GPR160: variants seen among roughly 807,000 people sequenced by gnomAD.
GPR160 encodes the protein probable G protein-coupled receptor 160.
A neutral mutation model predicts 2.6 loss-of-function variants in GPR160; 2 were observed. The ratio of observed to expected loss-of-function variants is 0.77; its 90% CI spans 0.32 to 2.44. GPR160 has a LOEUF of 2.44. Ranked by LOEUF, GPR160 falls within the 30% of genes most tolerant of loss-of-function variation. GPR160 has a pLI of 0.11. For missense variants in GPR160, 351 were observed against 383.6 expected, an observed-to-expected ratio of 0.91 and a Z score of 0.71; for synonymous variants, 130 against 132.2, an observed-to-expected ratio of 0.98 and a Z score of 0.12.
At chr3:170,069,301 G>A (rs910192875) in intron 2 of GPR160, among the ~76,000 whole-genome samples, 2 of 152,186 alleles carry the variant, frequency 1.3e-5, no homozygotes, top group Non-Finnish European at 2.9e-5. Context: ...GAAGACACTT[G>A]GGTCAGCCAC....
At chr3:170,051,157 G>A (rs1235291485) in intron 2 of GPR160, among the ~76,000 whole-genome samples, 4 of 152,006 alleles carry the variant, frequency 2.6e-5, no homozygotes, top group Non-Finnish European at 1.5e-5. Context: ...TATTCCAAAG[G>A]GTATATAATG....
At chr3:170,077,404 T>A (rs1280945263) in intron 2 of GPR160, 2 of 152,040 alleles carry the variant, frequency 1.3e-5, no homozygotes, top group East Asian at 1.9e-4. Context: ...GCTGATGAAA[T>A]GTAGATGTAT....
chr3:170,059,214 TATTC>T (rs1341942889), intron 2 of GPR160, among the ~76,000 whole-genome samples: 1 of 152,244 alleles, frequency 6.6e-6, no homozygotes, highest in Non-Finnish European at 1.5e-5. Flanking sequence ...ATATTTTACA[TATTC>T]AATTATATAA....
At chr3:170,049,811 G>C (rs1199883245) in intron 2 of GPR160, 1 of 152,304 alleles carries the variant, frequency 6.6e-6, no homozygotes, top group Non-Finnish European at 1.5e-5. Context: ...CCTTCCTCAG[G>C]GTGTGTCCAC....
rs142366644 is a variant in GPR160, at chr3:170,084,792, G to C, written c.820G>C (p.Glu274Gln). The C allele has an allele frequency of 6.2e-7, 1 of 1,603,452 alleles. No homozygotes were observed. The highest frequency in any genetic ancestry group is 8.5e-7 in the Non-Finnish European group (1 of 1,171,032). The change falls in exon 4 of 4, where the codon GAG becomes CAG. Residue 274 changes from glutamate (E) to glutamine (Q), a missense_variant. Glu to Gln is a conservative substitution (Grantham distance 29). Coordinates refer to ENST00000355897, the MANE Select transcript of GPR160 (RefSeq NM_014373.3). ...TAAAGTTCAGATTCCAGCATATATT[G>C]AGATGAATATTCCCTGGTTATACTT... The part of the protein sequence containing the change: ...LLKVQIPAYI[E>Q]MNIPWLYFVN...
At position 170,084,850 on chromosome 3, in the gene GPR160, G is replaced by T; in HGVS notation, c.878G>T (p.Trp293Leu). Residue 293 changes from tryptophan (W) to leucine (L), a missense_variant, in exon 4 of 4, where the codon TGG becomes TTG. Physicochemically the swap from Trp to Leu is moderately conservative, Grantham distance 61. Transcript: ENST00000355897. ...VNSFLIATVY[W>L]FNCHKLNLKD... ...AGTTTTCTCATTGCTACAGTGTATTGGTTTAATTGTCACAAGCTTAATTTA... is the reference window on the plus strand; with the variant it reads ...AGTTTTCTCATTGCTACAGTGTATTTGTTTAATTGTCACAAGCTTAATTTA... 4.3e-6 allele frequency: 7 copies of T among 1,609,636 alleles called. No individual in the cohort carries two copies. Among genetic ancestry groups the T allele is most frequent in the Non-Finnish European group, 5.9e-6 (7 of 1,176,516 alleles).
intron 2 of GPR160, among the ~76,000 whole-genome samples, chr3:170,060,378 G>A (rs141628931): frequency 5.5e-4 from 83 of 152,276 alleles, no homozygotes; most frequent in African/African-American, 1.6e-3. Context: ...GATAATAAAC[G>A]GATGCTAAAA....
At chr3:170,050,377 G>A (rs1716907592) in intron 2 of GPR160, among the ~76,000 whole-genome samples, 1 of 151,768 alleles carries the variant, frequency 6.6e-6, no homozygotes, top group African/African-American at 2.4e-5. Flanking sequence ...CCGGGTAGCT[G>A]GGATTACAGG....
chr3:170,071,743 C>G (rs866808548), intron 2 of GPR160, among the ~76,000 whole-genome samples: 39 of 152,312 alleles, frequency 2.6e-4, no homozygotes, highest in African/African-American at 8.4e-4. Context: ...TGGCAGTGAG[C>G]TGAGATCACG....
chr3:170,059,025 GCACA>G (rs1241200869), intron 2 of GPR160, among the ~76,000 whole-genome samples: 5 of 115,460 alleles, frequency 4.3e-5, no homozygotes, highest in Admixed American at 3.9e-4. Context: ...ACACACACAT[GCACA>G]AACACACACA....
At position 170,046,391 on chromosome 3, in the gene GPR160, A is replaced by G. The variant is rs186473118; in HGVS notation, c.-193+7348A>G. On this transcript the variant is annotated intron_variant, in intron 2 of 3. Coordinates refer to ENST00000355897, the MANE Select transcript of GPR160 (RefSeq NM_014373.3). Reference sequence around the variant, plus strand: ...AGCATTCATGTGGATACAAACTCCAACCCCTTATGAGAGAGCGGGCTAGTG... The same window carrying G: ...AGCATTCATGTGGATACAAACTCCAGCCCCTTATGAGAGAGCGGGCTAGTG... Among the ~76,000 whole-genome samples, 96 of 152,224 alleles carry G rather than the reference A, an allele frequency of 6.3e-4. 1 individual carries two copies. Among genetic ancestry groups the G allele is most frequent in the African/African-American group, 2.2e-3 (93 of 41,540 alleles).
intron 2 of GPR160, chr3:170,077,071 A>G (rs559348192): frequency 6.6e-6 from 1 of 152,330 alleles, no homozygotes; most frequent in East Asian, 1.9e-4. Context: ...ACTGTTGTTA[A>G]GAATTAGAAA....
chr3:170,064,810 A>G (rs1712227110), intron 2 of GPR160, among the ~76,000 whole-genome samples: 1 of 151,688 alleles, frequency 6.6e-6, no homozygotes, highest in Non-Finnish European at 1.5e-5. Context: ...GAACCACCGC[A>G]CCCAGCTATG....
chr3:170,054,788 A>C (rs1042338739), intron 2 of GPR160, among the ~76,000 whole-genome samples: 5 of 149,396 alleles, frequency 3.3e-5, no homozygotes, highest in African/African-American at 1.2e-4. Context: ...ATGTATCAGA[A>C]TTTCTTTTCT....
intron 2 of GPR160, among the ~76,000 whole-genome samples, chr3:170,043,263 C>A (rs1576885608): frequency 6.6e-6 from 1 of 151,624 alleles, no homozygotes; most frequent in East Asian, 2.0e-4. Context: ...CTCACTGCAA[C>A]CTCTGCCTCC....
chr3:170,058,720 C>G (rs1477486887), intron 2 of GPR160, among the ~76,000 whole-genome samples: 1 of 152,118 alleles, frequency 6.6e-6, no homozygotes, highest in African/African-American at 2.4e-5. Flanking sequence ...GGAAACACCT[C>G]CACAAAATAG....
At chr3:170,045,662 C>A (rs1277018155) in intron 2 of GPR160, among the ~76,000 whole-genome samples, 1 of 151,908 alleles carries the variant, frequency 6.6e-6, no homozygotes, top group African/African-American at 2.4e-5. Flanking sequence ...TTTGTGAATG[C>A]CAGACCAGCG....
chr3:170,046,407 C>T (rs942330427), intron 2 of GPR160, among the ~76,000 whole-genome samples: 2 of 152,174 alleles, frequency 1.3e-5, no homozygotes, highest in Non-Finnish European at 2.9e-5. Context: ...TATGAGAGAG[C>T]GGGCTAGTGT....
intron 2 of GPR160, among the ~76,000 whole-genome samples, chr3:170,075,105 G>A (rs1399693686): frequency 6.6e-6 from 1 of 152,114 alleles, no homozygotes; most frequent in Non-Finnish European, 1.5e-5. Context: ...GTGTGTGCCT[G>A]TAATCCCTGC....
Sources: gnomAD v4.1 joint callset for allele counts (sites outside exome capture counted in the v4.1 genomes callset) on GRCh38, gnomAD v4.1.1 for gene constraint, MANE v1.5 for transcripts, NCBI Gene and HGNC (gene_info 2026-07-23, HGNC 2026-07-21) for gene names.